KCNMB2: variants seen among roughly 807,000 people sequenced by gnomAD.
KCNMB2 encodes potassium calcium-activated channel subfamily M regulatory beta subunit 2, also known as calcium-activated potassium channel subunit beta-2.
A neutral mutation model predicts 24.5 loss-of-function variants in KCNMB2; 9 were observed. The ratio of observed to expected loss-of-function variants is 0.37; its 90% CI spans 0.22 to 0.64. The LOEUF (loss-of-function observed/expected upper bound fraction) is 0.64. Among genes scored for constraint, KCNMB2 ranks in the 30% least tolerant of loss-of-function variants. KCNMB2 has a pLI of 0.63. For missense variants in KCNMB2, 226 were observed against 284.3 expected, an observed-to-expected ratio of 0.79 and a Z score of 1.47; for synonymous variants, 109 against 104.4, an observed-to-expected ratio of 1.04 and a Z score of -0.27.
intron 1 of KCNMB2, among the ~76,000 whole-genome samples, chr3:178,551,579 A>G (rs1450038883): frequency 7.9e-5 from 12 of 152,242 alleles, no homozygotes; most frequent in Admixed American, 7.9e-4. Flanking sequence ...TAAGGGGGCC[A>G]CTGCTAACAA....
intron 1 of KCNMB2, among the ~76,000 whole-genome samples, chr3:178,709,215 G>A (rs184512928): frequency 1.9e-3 from 286 of 152,240 alleles, no homozygotes; most frequent in Non-Finnish European, 3.1e-3. Context: ...ATTCAAACAG[G>A]AGGATTAACA....
In KCNMB2 at chr3:178,544,046, C is replaced by A. The variant is rs565863530; in HGVS notation, c.-68+7335C>A. Among the ~76,000 whole-genome samples, 10 of 152,226 alleles carry A rather than the reference C, an allele frequency of 6.6e-5. No homozygotes were observed. In the East Asian group the frequency reaches 1.5e-3, roughly 24 times the overall value. ...CATCGTCATCACAGTACTTTCAATG[C>A]CTAGCACAGTTCATGGCAGTAGTTA... On this transcript the variant is annotated intron_variant, in intron 1 of 4. Transcript: ENST00000452583.
chr3:178,677,054 C>T (rs888310371), intron 1 of KCNMB2, among the ~76,000 whole-genome samples: 1 of 152,038 alleles, frequency 6.6e-6, no homozygotes, highest in African/African-American at 2.4e-5. Context: ...CTCACCACAG[C>T]GAAAGAGAGA....
chr3:178,664,501 G>T (rs572269397), intron 1 of KCNMB2, among the ~76,000 whole-genome samples: 68 of 152,092 alleles, frequency 4.5e-4, no homozygotes, highest in African/African-American at 1.5e-3. Context: ...ATCAATTTTG[G>T]CTAGAGAATA....
intron 1 of KCNMB2, among the ~76,000 whole-genome samples, chr3:178,680,496 G>A (rs904735138): frequency 7.8e-4 from 119 of 152,146 alleles, no homozygotes; most frequent in African/African-American, 2.7e-3. Context: ...GAAAATGCAG[G>A]AAAATCAAGA....
chr3:178,744,555 T>C (rs1351869000), intron 1 of KCNMB2, among the ~76,000 whole-genome samples: 1 of 152,216 alleles, frequency 6.6e-6, no homozygotes, highest in African/African-American at 2.4e-5. Flanking sequence ...AACCAATCCC[T>C]GTTTCCATGG....
chr3:178,679,495 T>A (rs1721193770), intron 1 of KCNMB2, among the ~76,000 whole-genome samples: 2 of 152,218 alleles, frequency 1.3e-5, no homozygotes, highest in Admixed American at 1.3e-4. Context: ...CAAGTTTTCC[T>A]CTCAGAGCTT....
At chr3:178,649,207 G>A (rs1720020818) in intron 1 of KCNMB2, among the ~76,000 whole-genome samples, 1 of 151,832 alleles carries the variant, frequency 6.6e-6, no homozygotes, top group Admixed American at 6.6e-5. Flanking sequence ...TTTTTGTTTG[G>A]ATGTAAATCA....
At chr3:178,629,206 T>G (rs1007759171) in intron 1 of KCNMB2, among the ~76,000 whole-genome samples, 3 of 152,208 alleles carry the variant, frequency 2.0e-5, no homozygotes, top group Non-Finnish European at 4.4e-5. Context: ...ACTCATTGTC[T>G]TCTATACATA....
At chr3:178,585,710 A>G (rs968208621) in intron 1 of KCNMB2, among the ~76,000 whole-genome samples, 2 of 152,214 alleles carry the variant, frequency 1.3e-5, no homozygotes, top group African/African-American at 4.8e-5. Flanking sequence ...TAGGCATCTG[A>G]TAAAAGCTGC....
intron 1 of KCNMB2, among the ~76,000 whole-genome samples, chr3:178,687,994 A>C (rs1560167118): frequency 6.6e-6 from 1 of 152,154 alleles, no homozygotes; most frequent in East Asian, 1.9e-4. Context: ...CAATCAATGA[A>C]AGTTTGGGAA....
chr3:178,781,202 A>C (rs1712818047), intron 1 of KCNMB2, among the ~76,000 whole-genome samples: 1 of 147,752 alleles, frequency 6.8e-6, no homozygotes, highest in African/African-American at 2.4e-5. Flanking sequence ...AAAATTATAT[A>C]TGTGACACAT....
In KCNMB2 at chr3:178,687,867, G is replaced by T. The variant is rs147516748; in HGVS notation, c.-67-119476G>T. Reference sequence around the variant, plus strand: ...CTGCAAACTACTTATTTTTAAATAGGCTTTCTTCCAAAAGGTGAAACTACA... The same window carrying T: ...CTGCAAACTACTTATTTTTAAATAGTCTTTCTTCCAAAAGGTGAAACTACA... On this transcript the variant is annotated intron_variant, in intron 1 of 4. Coordinates refer to ENST00000452583, the MANE Select transcript of KCNMB2 (RefSeq NM_181361.3). 4.6e-3 allele frequency among the ~76,000 whole-genome samples: 695 copies of T among 152,132 alleles called. 7 individuals are homozygous for T. Among genetic ancestry groups the T allele is most frequent in the Admixed American group, 0.035 (538 of 15,276 alleles).
At chr3:178,568,781 AG>A (rs1560112143) in intron 1 of KCNMB2, among the ~76,000 whole-genome samples, 2 of 102,300 alleles carry the variant, frequency 2.0e-5, no homozygotes, top group African/African-American at 1.0e-4. Context: ...GATGATAGAT[AG>A]ATAGATAGAT....
intron 1 of KCNMB2, among the ~76,000 whole-genome samples, chr3:178,648,736 T>A (rs1018165350): frequency 2.6e-5 from 4 of 152,194 alleles, no homozygotes; most frequent in Non-Finnish European, 5.9e-5. Context: ...CCGTAACAAA[T>A]AAACATCAAC....
chr3:178,840,809 G>A (rs534595187), intron 4 of KCNMB2, among the ~76,000 whole-genome samples: 1 of 152,362 alleles, frequency 6.6e-6, no homozygotes, highest in East Asian at 1.9e-4. Context: ...GTGATGGGAA[G>A]AGCTGCTACA....
chr3:178,748,285 C>A (rs888514527), intron 1 of KCNMB2: 5 of 152,046 alleles, frequency 3.3e-5, no homozygotes, highest in African/African-American at 1.2e-4. Flanking sequence ...TTTTGTTCAC[C>A]CAAATATAAT....
Position 178,550,380 on chromosome 3 carries a change from C to T in KCNMB2, c.-68+13669C>T, listed in dbSNP as rs370715256. Among the ~76,000 whole-genome samples, 5 of 149,294 alleles carry T rather than the reference C, an allele frequency of 3.3e-5. No homozygotes were observed. The East Asian group carries it at 9.8e-4, about 29-fold the overall frequency. On this transcript the variant is annotated intron_variant, in intron 1 of 4. Coordinates refer to ENST00000452583, the MANE Select transcript of KCNMB2 (RefSeq NM_181361.3). ...GGCTGAGGCAGGAGAATGGCATGAACCCGGGAGGCAGAACTTGCAGTGAGC... is the reference window on the plus strand; with the variant it reads ...GGCTGAGGCAGGAGAATGGCATGAATCCGGGAGGCAGAACTTGCAGTGAGC...
intron 1 of KCNMB2, among the ~76,000 whole-genome samples, chr3:178,576,686 A>G (rs1429456668): frequency 6.6e-6 from 1 of 152,212 alleles, no homozygotes; most frequent in Non-Finnish European, 1.5e-5. Context: ...CCAAGGCTTG[A>G]GTAGGCAATT....
Sources: gnomAD v4.1 joint callset for allele counts (sites outside exome capture counted in the v4.1 genomes callset) on GRCh38, gnomAD v4.1.1 for gene constraint, MANE v1.5 for transcripts, NCBI Gene and HGNC (gene_info 2026-07-23, HGNC 2026-07-21) for gene names.